DZIP1L: variants seen among roughly 807,000 people sequenced by gnomAD.
The protein encoded by DZIP1L is DAZ interacting zinc finger protein 1 like, also known as cilium assembly protein DZIP1L.
DZIP1L carries 90 observed loss-of-function variants against 88.7 expected under a neutral mutation model. That is an observed-to-expected ratio of 1.02 (90% confidence interval 0.86 to 1.21). DZIP1L has a LOEUF of 1.21. DZIP1L is among the 50% of genes most tolerant of loss of function. The probability of loss-of-function intolerance (pLI) is 0.00; values close to 1 mark genes in which losing one functional copy is unlikely to be tolerated. For synonymous variants in DZIP1L, 363 were observed against 372.1 expected (o/e 0.98, Z 0.28); for missense variants, 932 against 955.8 (o/e 0.98, Z 0.33).
chr3:138,074,645 T>C (rs1452724721), intron 11 of DZIP1L, among the ~76,000 whole-genome samples: 2 of 151,618 alleles, frequency 1.3e-5, no homozygotes, highest in Non-Finnish European at 2.9e-5. Context: ...TTGTTACACA[T>C]GTATACAGAA....
At chr3:138,091,111 T>TTGGGA (rs1944200809) in intron 5 of DZIP1L, among the ~76,000 whole-genome samples, 1 of 151,800 alleles carries the variant, frequency 6.6e-6, no homozygotes, top group South Asian at 2.1e-4. Flanking sequence ...CCACCCACCT[T>TTGGGA]GGCCTCCCAA....
chr3:138,067,429 C>A (rs1238023448), intron 14 of DZIP1L, 102 bp downstream of exon 14: 2 of 1,336,244 alleles, frequency 1.5e-6, no homozygotes, highest in Non-Finnish European at 2.0e-6. Flanking sequence ...AATAAGAAAG[C>A]CTAAAGGAAG....
In DZIP1L at chr3:138,102,139, T is replaced by C; in HGVS notation, c.501+1332A>G. Reference sequence around the variant, plus strand: ...TTGTACTGTGCCTTGACCTCAGCGATGATGCTGTCCATGTCCAGGGAGTGA... The same window carrying C: ...TTGTACTGTGCCTTGACCTCAGCGACGATGCTGTCCATGTCCAGGGAGTGA... On this transcript the variant is annotated intron_variant, in intron 2 of 15. Coordinates refer to ENST00000327532, the MANE Select transcript of DZIP1L (RefSeq NM_173543.3). The C allele has an allele frequency of 5.0e-6, 7 of 1,395,350 alleles. No individual in the cohort carries two copies. The South Asian group carries it at 8.1e-5, about 16-fold the overall frequency. 86.4% of individuals were successfully genotyped at this position (1,395,350 alleles called of 1,614,324 possible). A position where few individuals can be genotyped will look rare whatever the true frequency, so the allele number is the denominator to read the frequency against.
At position 138,071,799 on chromosome 3, in the gene DZIP1L, G is replaced by T. The variant is rs889086878; in HGVS notation, c.1459C>A (p.Leu487Met). 10 of 1,613,992 alleles carry T rather than the reference G, an allele frequency of 6.2e-6. No individual in the cohort carries two copies. In the African/African-American group the frequency reaches 9.3e-5, roughly 15 times the overall value. ...CGCTGGACTCTCAGCAGGGATTCCA[G>T]GTGTCTGAGAGTCTGAATCGAGATT... ...KGISIQTLRH[L>M]ESLLRVQREQ... The change falls in exon 12 of 16, where the codon CTG becomes ATG. Residue 487 changes from leucine (L) to methionine (M), a missense_variant. Transcript: ENST00000327532.
intron 12 of DZIP1L, chr3:138,068,991 A>G: frequency 7.8e-7 from 1 of 1,276,918 alleles, no homozygotes. Context: ...TTGGGTCACA[A>G]TGTAAAATGA....
intron 11 of DZIP1L, among the ~76,000 whole-genome samples, chr3:138,073,578 C>T (rs980127394): frequency 1.3e-5 from 2 of 152,158 alleles, no homozygotes; most frequent in Non-Finnish European, 2.9e-5. Flanking sequence ...CTCTTGAATC[C>T]CAGATCTTCC....
intron 11 of DZIP1L, among the ~76,000 whole-genome samples, chr3:138,073,485 C>A (rs1351297039): frequency 6.6e-6 from 1 of 152,144 alleles, no homozygotes; most frequent in African/African-American, 2.4e-5. Flanking sequence ...CAGTTCAGCT[C>A]TCAGGAAGCC....
chr3:138,078,148 TACTG>T (rs1943497840), intron 10 of DZIP1L, among the ~76,000 whole-genome samples: 1 of 152,198 alleles, frequency 6.6e-6, no homozygotes, highest in African/African-American at 2.4e-5. Context: ...CTTTAAGAAA[TACTG>T]ACCTGAGGCT....
At chr3:138,088,635 C>T in intron 5 of DZIP1L, 128 bp from the exon 6 acceptor site, 2 of 1,373,862 alleles carry the variant, frequency 1.5e-6, no homozygotes, top group Non-Finnish European at 1.9e-6. Flanking sequence ...TCACTAGATA[C>T]CTACTCACCT....
At position 138,094,107 on chromosome 3, in the gene DZIP1L, T is replaced by C. The variant is rs1050490843; in HGVS notation, c.708+755A>G. 1.5e-3 allele frequency among the ~76,000 whole-genome samples: 225 copies of C among 152,252 alleles called. 3 individuals are homozygous for C. Among genetic ancestry groups the C allele is most frequent in the Non-Finnish European group, 2.2e-4 (15 of 68,040 alleles). On this transcript the variant is annotated intron_variant, in intron 4 of 15. Coordinates refer to ENST00000327532, the MANE Select transcript of DZIP1L (RefSeq NM_173543.3). ...AGAGATGTTTAAGTTTGCCATCTTA[T>C]ATGAATAGTTTGTGGCACCCCAAAA...
At chr3:138,110,059 T>C (rs774092671) in intron 1 of DZIP1L, among the ~76,000 whole-genome samples, 24 of 152,162 alleles carry the variant, frequency 1.6e-4, no homozygotes, top group Middle Eastern at 3.2e-3. Flanking sequence ...GTTCTGCACA[T>C]GTATCCCAGA....
In DZIP1L at chr3:138,102,310, C is replaced by T. The variant is rs567882356; in HGVS notation, c.501+1161G>A. On this transcript the variant is annotated intron_variant, in intron 2 of 15. Coordinates refer to ENST00000327532, the MANE Select transcript of DZIP1L (RefSeq NM_173543.3). ...TCCAGCTCTACCTTATTCATGTAAG[C>T]TTCATCCACATCTTTCTCGATGAAG... The T allele has an allele frequency of 4.5e-5, 61 of 1,367,562 alleles. 1 individual carries two copies. In the East Asian group the frequency reaches 5.0e-4, roughly 11 times the overall value. The allele number at this position is 1,367,562 out of a possible 1,614,324, so 84.7% of individuals were successfully genotyped here. A position where few individuals can be genotyped will look rare whatever the true frequency, so the allele number is the denominator to read the frequency against.
chr3:138,089,440 A>G (rs2107800054), intron 5 of DZIP1L, among the ~76,000 whole-genome samples: 1 of 152,330 alleles, frequency 6.6e-6, no homozygotes, highest in East Asian at 1.9e-4. Context: ...TGGCATCTCA[A>G]TTTACCCCAG....
At chr3:138,099,497 T>C (rs893300204) in intron 2 of DZIP1L, among the ~76,000 whole-genome samples, 11 of 152,216 alleles carry the variant, frequency 7.2e-5, no homozygotes, top group African/African-American at 2.7e-4. Context: ...GATTCTGAGA[T>C]CCTTGGAATC....
In DZIP1L at chr3:138,084,226, C is replaced by T. The variant is rs1161112507; in HGVS notation, c.1090G>A (p.Ala364Thr). Reference sequence around the variant, plus strand: ...TTCTTCTGATCCTGAGACAGGGAGGCCTGGAGCCTCTGGTTCTCCTCCTGT... The same window carrying T: ...TTCTTCTGATCCTGAGACAGGGAGGTCTGGAGCCTCTGGTTCTCCTCCTGT... ...ELQEENQRLQASLSQDQKKAA... is the reference protein window; with the variant it reads ...ELQEENQRLQTSLSQDQKKAA... Residue 364 changes from alanine to threonine, a missense_variant, in exon 8 of 16, where the codon GCC becomes ACC. Transcript: ENST00000327532. 6.2e-7 allele frequency: 1 copy of T among 1,614,010 alleles called. No individual in the cohort carries two copies. The highest frequency in any genetic ancestry group is 2.2e-5 in the East Asian group (1 of 44,896).
chr3:138,113,853 T>TA (rs1444221689), intron 1 of DZIP1L, among the ~76,000 whole-genome samples: 3 of 152,210 alleles, frequency 2.0e-5, no homozygotes, highest in Non-Finnish European at 4.4e-5. Flanking sequence ...TAAGGAGATA[T>TA]TTTTAAGTGG....
intron 2 of DZIP1L, chr3:138,102,907 CT>C: frequency 1.7e-6 from 1 of 593,466 alleles, no homozygotes; most frequent in African/African-American, 1.8e-5. Context: ...CTGGGTCACC[CT>C]GATGAACATG....
intron 1 of DZIP1L, among the ~76,000 whole-genome samples, chr3:138,111,776 C>A (rs1450689067): frequency 6.6e-6 from 1 of 152,092 alleles, no homozygotes; most frequent in Non-Finnish European, 1.5e-5. Flanking sequence ...AGGCGGATCA[C>A]CTGAGGTCAG....
rs958288648 is a variant in DZIP1L at position 138,103,590 on chromosome 3, C to A, written c.382G>T (p.Glu128Ter). Residue 128 changes from glutamate to a stop codon, truncating the protein, a stop_gained, in exon 2 of 16, where the codon GAG becomes TAG. Transcript: ENST00000327532. LOFTEE classifies it high-confidence loss of function. ...SLGQQQRGQQ[E>*]LGRQADELKG... ...AGCTCGTCAGCCTGGCGTCCCAGCT[C>A]CTGCTGACCACGCTGCTGCTGGCCC... 6.8e-6 allele frequency: 11 copies of A among 1,607,576 alleles called. No homozygotes were observed. The highest frequency in any genetic ancestry group is 9.3e-6 in the Non-Finnish European group (11 of 1,179,532).
Sources: allele counts gnomAD v4.1 joint callset (sites outside exome capture counted in the v4.1 genomes callset), GRCh38; gene constraint gnomAD v4.1.1; transcripts MANE v1.5; gene names NCBI Gene and HGNC (gene_info 2026-07-23, HGNC 2026-07-21).